The following TYW1B variants were observed in gnomAD, a reference collection of about 807,000 sequenced individuals.
The protein encoded by TYW1B is tRNA-yW synthesizing protein 1 homolog B, also known as S-adenosyl-L-methionine-dependent tRNA 4-demethylwyosine synthase TYW1B.
In TYW1B, 73 loss-of-function variants were observed where a neutral mutation model predicts 86.9. The ratio of observed to expected loss-of-function variants is 0.84; its 90% CI spans 0.70 to 1.02. The LOEUF is 1.02. TYW1B is among the 50% of genes least tolerant of loss of function. The pLI is 0.00. For missense variants in TYW1B, 637 were observed against 827.4 expected (o/e 0.77, Z 2.82); for synonymous variants, 248 against 292.8 (o/e 0.85, Z 1.56).
intron 13 of TYW1B, 130 bp downstream of exon 13, chr7:72,616,542 T>C (rs1394749286): frequency 1.6e-5 from 23 of 1,411,994 alleles, no homozygotes; most frequent in Non-Finnish European, 2.1e-5. Flanking sequence ...GCTTTCTTAT[T>C]TTTGTTTTGG....
chr7:72,621,039 T>TA (rs1812200627), intron 12 of TYW1B, among the ~76,000 whole-genome samples: 1 of 152,206 alleles, frequency 6.6e-6, no homozygotes, highest in Admixed American at 6.6e-5. Flanking sequence ...GGGGCTGCCA[T>TA]ACTGTGGCTA....
intron 10 of TYW1B, among the ~76,000 whole-genome samples, chr7:72,702,834 G>GT (rs1279684249): frequency 6.6e-6 from 1 of 151,678 alleles, no homozygotes; most frequent in African/African-American, 2.4e-5. Context: ...ATTTCCACAG[G>GT]TAAAAAAAAG....
At chr7:72,684,293 C>T (rs1487084232) in intron 11 of TYW1B, among the ~76,000 whole-genome samples, 6 of 151,914 alleles carry the variant, frequency 3.9e-5, no homozygotes, top group African/African-American at 1.2e-4. Flanking sequence ...AAGTTTCAAA[C>T]CACAGAAAAT....
chr7:72,664,440 T>C (rs782608232), intron 11 of TYW1B, among the ~76,000 whole-genome samples: 14 of 151,882 alleles, frequency 9.2e-5, no homozygotes, highest in Non-Finnish European at 1.9e-4. Context: ...CTTGCAGACA[T>C]AAAAAAGAAC....
At chr7:72,821,418 T>C (rs1259925036) in intron 2 of TYW1B, among the ~76,000 whole-genome samples, 1 of 152,282 alleles carries the variant, frequency 6.6e-6, no homozygotes, top group African/African-American at 2.4e-5. Flanking sequence ...GTCACCTTTG[T>C]TATTAACCTT....
chr7:72,813,233 T>A (rs1304901453), intron 3 of TYW1B, among the ~76,000 whole-genome samples: 35 of 147,138 alleles, frequency 2.4e-4, no homozygotes, highest in African/African-American at 8.8e-4. Context: ...TAGAGGGCAA[T>A]GGCGCAATCT....
At chr7:72,754,114 C>T (rs1481387455) in intron 7 of TYW1B, among the ~76,000 whole-genome samples, 1 of 151,920 alleles carries the variant, frequency 6.6e-6, no homozygotes, top group Admixed American at 6.6e-5. Context: ...TAACAATAAC[C>T]GCTAGTCCCT....
chr7:72,622,868 A>C (rs1439590601), intron 12 of TYW1B, among the ~76,000 whole-genome samples: 5 of 152,126 alleles, frequency 3.3e-5, no homozygotes, highest in African/African-American at 1.2e-4. Context: ...CACACATGTC[A>C]GGGAGAAAAG....
chr7:72,639,584 C>T (rs1268409715), intron 11 of TYW1B, among the ~76,000 whole-genome samples: 7 of 152,114 alleles, frequency 4.6e-5, no homozygotes, highest in Admixed American at 1.3e-4. Context: ...AAGGTCTTAG[C>T]TGGGCACAGT....
At chr7:72,680,199 G>C (rs1554448149) in intron 11 of TYW1B, among the ~76,000 whole-genome samples, 3 of 152,094 alleles carry the variant, frequency 2.0e-5, no homozygotes, top group Admixed American at 2.0e-4. Flanking sequence ...GTGTCTGTGA[G>C]GGTGTTGCCA....
chr7:72,714,979 G>A, intron 9 of TYW1B, among the ~76,000 whole-genome samples: 1 of 152,148 alleles, frequency 6.6e-6, no homozygotes. Context: ...CATCAGAGTG[G>A]GTGCAAGGCT....
At chr7:72,718,333 G>T (rs1585927196) in intron 9 of TYW1B, among the ~76,000 whole-genome samples, 2 of 152,150 alleles carry the variant, frequency 1.3e-5, no homozygotes, top group African/African-American at 4.8e-5. Flanking sequence ...GGATGGGACG[G>T]GGCGACAGTT....
intron 8 of TYW1B, among the ~76,000 whole-genome samples, chr7:72,735,810 C>G (rs1307737575): frequency 6.0e-5 from 9 of 149,910 alleles, no homozygotes; most frequent in African/African-American, 2.2e-4. Flanking sequence ...GCAGAGATTG[C>G]AGTGAGCTGA....
intron 10 of TYW1B, among the ~76,000 whole-genome samples, chr7:72,710,898 T>G (rs1287431761): frequency 3.3e-5 from 5 of 152,216 alleles, no homozygotes; most frequent in African/African-American, 4.8e-5. Context: ...CTTAATTTTT[T>G]GCAAATACTT....
At chr7:72,582,241 T>C (rs1339943441) in intron 13 of TYW1B, among the ~76,000 whole-genome samples, 3 of 151,974 alleles carry the variant, frequency 2.0e-5, no homozygotes, top group Admixed American at 1.3e-4. Flanking sequence ...GTTTCCACAT[T>C]AAAGGTGTCT....
chr7:72,597,597 C>A (rs1446828590), intron 13 of TYW1B, among the ~76,000 whole-genome samples: 1 of 151,864 alleles, frequency 6.6e-6, no homozygotes, highest in Non-Finnish European at 1.5e-5. Context: ...CCGATCTCGG[C>A]TGAACTAGAC....
At chr7:72,660,600 G>A (rs1290632957) in intron 11 of TYW1B, among the ~76,000 whole-genome samples, 1 of 152,074 alleles carries the variant, frequency 6.6e-6, no homozygotes, top group Non-Finnish European at 1.5e-5. Flanking sequence ...GCAAAATCCT[G>A]CTACTGCTTA....
At chr7:72,824,377 A>C (rs1183282223) in intron 2 of TYW1B, among the ~76,000 whole-genome samples, 15 of 152,254 alleles carry the variant, frequency 9.9e-5, no homozygotes, top group Non-Finnish European at 1.3e-4. Context: ...AGGTGGGTGA[A>C]TATCTTGAAG....
At chr7:72,667,093 T>C (rs1173331302) in intron 11 of TYW1B, among the ~76,000 whole-genome samples, 6 of 139,224 alleles carry the variant, frequency 4.3e-5, no homozygotes, top group Non-Finnish European at 9.3e-5. Flanking sequence ...ACAATAACCA[T>C]TGTATTGGTC....
Sources: gnomAD v4.1 joint callset for allele counts (sites outside exome capture counted in the v4.1 genomes callset) on GRCh38, gnomAD v4.1.1 for gene constraint, MANE v1.5 for transcripts, NCBI Gene and HGNC (gene_info 2026-07-23, HGNC 2026-07-21) for gene names.